The following TSPAN1 variants were observed in gnomAD, a reference collection of about 807,000 sequenced individuals.
TSPAN1 encodes tetraspanin-1.
In TSPAN1, 23 loss-of-function variants were observed where a neutral mutation model predicts 26.9. That is an observed-to-expected ratio of 0.85 (90% CI 0.62 to 1.21). TSPAN1 has a LOEUF of 1.21. Among genes scored for constraint, TSPAN1 ranks in the 50% most tolerant of loss-of-function variants. The probability of loss-of-function intolerance (pLI) is 0.00; values close to 1 mark genes in which losing one functional copy is unlikely to be tolerated. For missense variants in TSPAN1, 283 were observed against 298.4 expected (o/e 0.95, Z 0.38); for synonymous variants, 115 against 114.8 (o/e 1.00, Z -0.01).
chr1:46,186,664 G>GTTTTTT (rs759573351), downstream of TSPAN1, among the ~76,000 whole-genome samples: 1 of 71,822 alleles, frequency 1.4e-5, no homozygotes, highest in Non-Finnish European at 2.6e-5. Flanking sequence ...TAATTTTTGT[G>GTTTTTT]TTTTTTTTTT....
downstream of TSPAN1, chr1:46,189,513 A>G (rs1226418659): frequency 3.7e-6 from 6 of 1,613,664 alleles, no homozygotes; most frequent in Non-Finnish European, 5.1e-6. Context: ...TTCCGAAACA[A>G]TCTCCACAGG....
At chr1:46,189,449 G>A (rs754452122), downstream of TSPAN1, 2 of 1,613,478 alleles carry the variant, frequency 1.2e-6, no homozygotes, top group Non-Finnish European at 8.5e-7. Context: ...GCAGAAAAGG[G>A]TCACTCACGA....
intron 3 of TSPAN1, 21 bp from the exon 4 acceptor site, chr1:46,184,170 G>A (rs745845911): frequency 1.2e-6 from 2 of 1,613,886 alleles, no homozygotes; most frequent in Non-Finnish European, 1.7e-6. Flanking sequence ...TTTAAGGCCT[G>A]CCTGACCTCT....
At chr1:46,194,911 G>C in the TSPAN1 span, 1 of 1,614,018 alleles carries the variant, frequency 6.2e-7, no homozygotes, top group Non-Finnish European at 8.5e-7. Flanking sequence ...GGCTGCCCAG[G>C]CTCCTCAGCA....
Position 46,185,308 on chromosome 1 carries a change from G to C in TSPAN1, c.678G>C (p.Glu226Asp). The C allele has an allele frequency of 1.2e-6, 2 of 1,614,034 alleles. No homozygotes were observed. Among genetic ancestry groups the C allele is most frequent in the Non-Finnish European group, 1.7e-6 (2 of 1,180,010 alleles). Residue 226 changes from glutamate (E) to aspartate (D), a missense_variant and splice_region_variant, in exon 8 of 9, where the codon GAG becomes GAC. Transcript: ENST00000372003. ...GGVAAGIGGL[E>D]LAAMIVSMYL... is the part of the protein sequence containing the mutation. Reference sequence around the variant, plus strand: ...TGGCAGCTGGAATTGGGGGCCTCGAGGTAAGCAGATGAGGAGGCTGGGACT... The same window carrying C: ...TGGCAGCTGGAATTGGGGGCCTCGACGTAAGCAGATGAGGAGGCTGGGACT...
chr1:46,184,528 G>GGA, intron 4 of TSPAN1, 66 bp from the exon 5 acceptor site: 2 of 1,603,766 alleles, frequency 1.2e-6, no homozygotes, highest in Admixed American at 1.7e-5. Flanking sequence ...CCGGGGGGGG[G>GGA]ATTAGGGCAA....
chr1:46,191,982 C>T, the TSPAN1 span: 2 of 1,443,240 alleles, frequency 1.4e-6, no homozygotes, highest in South Asian at 1.2e-5. Flanking sequence ...AATAGGATAG[C>T]TCTTTCCCCA....
At chr1:46,191,214 G>A in the TSPAN1 span, 1 of 291,264 alleles carries the variant, frequency 3.4e-6, no homozygotes, top group South Asian at 3.5e-5. Flanking sequence ...CCCTCTCTGG[G>A]AGAGGAATGG....
chr1:46,188,631 C>T (rs952786303), downstream of TSPAN1: 1 of 1,526,644 alleles, frequency 6.6e-7, no homozygotes, highest in African/African-American at 1.4e-5. Flanking sequence ...ATTCTCTCCA[C>T]CACTTCCCTC....
the TSPAN1 span, among the ~76,000 whole-genome samples, chr1:46,195,293 T>G: frequency 3.3e-5 from 5 of 152,204 alleles, no homozygotes; most frequent in Non-Finnish European, 7.3e-5. Context: ...AAATATGCCG[T>G]GTACCTTCCC....
chr1:46,189,649 C>G, downstream of TSPAN1: 1 of 1,557,504 alleles, frequency 6.4e-7, no homozygotes, highest in Non-Finnish European at 8.7e-7. Flanking sequence ...GCCCAGCCCC[C>G]ACCCCTCCTC....
rs1249802044 is a variant in TSPAN1, at chr1:46,175,310, T to C, written c.-241T>C. ...GAGAGCCCCTACTTCATGGGGCAGA[T>C]CAAGAGCTGAGACCAAAGATGGTCT... On this transcript the variant is annotated 5_prime_UTR_variant, in exon 1 of 9. Transcript: ENST00000372003. 1 of 325,810 alleles carries C rather than the reference T, an allele frequency of 3.1e-6. No homozygotes were observed. The highest frequency in any genetic ancestry group is 4.8e-5 in the East Asian group (1 of 20,956). The allele number at this position is 325,810 out of a possible 1,614,324, so 20.2% of individuals were successfully genotyped here. A position where few individuals can be genotyped will look rare whatever the true frequency, so the allele number is the denominator to read the frequency against.
the TSPAN1 span, chr1:46,192,582 C>T: frequency 4.3e-6 from 7 of 1,614,064 alleles, no homozygotes; most frequent in East Asian, 1.6e-4. Flanking sequence ...GATGGATTGG[C>T]TCAGGAAACT....
rs543159906 is a variant in TSPAN1 at position 46,184,322 on chromosome 1, C to T, written c.189C>T (p.Ala63=). ...FVNVGYFLIA[A]GVVVFALGFL... is the part of the protein sequence containing the mutation. ...ACGTGGGCTACTTCCTCATCGCAGC[C>T]GGCGTTGTGGTCTTTGCTCTTGGTT... is the stretch of plus-strand genomic sequence containing the variant. Residue 63 remains alanine (A), a synonymous_variant, in exon 4 of 9, where the codon GCC becomes GCT. Coordinates refer to ENST00000372003, the MANE Select transcript of TSPAN1 (RefSeq NM_005727.4). The T allele has an allele frequency of 9.3e-6, 15 of 1,614,158 alleles. No homozygotes were observed. The highest frequency in any genetic ancestry group is 6.7e-5 in the African/African-American group (5 of 75,018).
chr1:46,181,519 T>C (rs776424780), intron 3 of TSPAN1, among the ~76,000 whole-genome samples: 4 of 152,222 alleles, frequency 2.6e-5, no homozygotes, highest in African/African-American at 4.8e-5. Context: ...CACCCAAGTT[T>C]ACCTACCACA....
At chr1:46,190,097 C>CA, downstream of TSPAN1, 1 of 807,234 alleles carries the variant, frequency 1.2e-6, no homozygotes, top group Non-Finnish European at 1.8e-6. Flanking sequence ...CCTTGAAGTT[C>CA]TTTTTTTTTT....
At chr1:46,176,157 G>A (rs980145545) in intron 1 of TSPAN1, 140 of 1,513,692 alleles carry the variant, frequency 9.2e-5, no homozygotes, top group East Asian at 3.2e-4. Flanking sequence ...TTACAGGCAT[G>A]AGCCACCGCA....
At chr1:46,192,296 C>A in the TSPAN1 span, 13 of 1,614,036 alleles carry the variant, frequency 8.1e-6, no homozygotes, top group Non-Finnish European at 1.1e-5. Flanking sequence ...CTCACCCTAC[C>A]CTGACAGTTA....
At chr1:46,195,175 C>T in the TSPAN1 span, among the ~76,000 whole-genome samples, 1 of 152,232 alleles carries the variant, frequency 6.6e-6, no homozygotes, top group African/African-American at 2.4e-5. Context: ...CACAAACCCA[C>T]ACGATCTGCA....
Sources: gnomAD v4.1 joint callset for allele counts (sites outside exome capture counted in the v4.1 genomes callset) on GRCh38, gnomAD v4.1.1 for gene constraint, MANE v1.5 for transcripts, NCBI Gene and HGNC (gene_info 2026-07-23, HGNC 2026-07-21) for gene names.